CHST9: variants seen among roughly 807,000 people sequenced by gnomAD.
CHST9 encodes carbohydrate sulfotransferase 9, also known as GalNAc-4-sulfotransferase 2.
CHST9 carries 41 observed loss-of-function variants against 44.4 expected under a neutral mutation model. The ratio of observed to expected loss-of-function variants is 0.92; its 90% confidence interval spans 0.72 to 1.20. CHST9 has a LOEUF of 1.20. Ranked by LOEUF, CHST9 falls within the 50% of genes most tolerant of loss-of-function variation. The probability of loss-of-function intolerance (pLI) is 0.00; values close to 1 mark genes in which losing one functional copy is unlikely to be tolerated. For missense variants in CHST9, 504 were observed against 516.5 expected, an observed-to-expected ratio of 0.98 and a Z score of 0.23; for synonymous variants, 171 against 178.4, an observed-to-expected ratio of 0.96 and a Z score of 0.33.
intron 4 of CHST9, among the ~76,000 whole-genome samples, chr18:26,971,469 GCAA>G (rs1269656279): frequency 6.6e-6 from 1 of 152,212 alleles, no homozygotes; most frequent in Non-Finnish European, 1.5e-5. Context: ...AGGTTGTGTT[GCAA>G]TAACAAACAA....
At position 26,944,346 on chromosome 18, in the gene CHST9, C is replaced by T. The variant is rs1288597814; in HGVS notation, c.223G>A (p.Glu75Lys). ...PRIMSTEKIQ[E>K]HITNQNPKFH... ...GAGAATACCTGGTTGGTGATATGTTCCTGGATTTTTTCTGTACTCACTGAA... is the reference window on the plus strand; with the variant it reads ...GAGAATACCTGGTTGGTGATATGTTTCTGGATTTTTTCTGTACTCACTGAA... Residue 75 changes from glutamate to lysine, a missense_variant, in exon 5 of 6, where the codon GAA becomes AAA. Physicochemically the swap from Glu to Lys is moderately conservative, Grantham distance 56. Transcript: ENST00000618847. 6.2e-7 allele frequency: 1 copy of T among 1,609,050 alleles called. No homozygotes were observed. Among genetic ancestry groups the T allele is most frequent in the East Asian group, 2.2e-5 (1 of 44,836 alleles).
chr18:27,167,125 T>C lies in CHST9; in HGVS notation c.-97+18011A>G, dbSNP rs566435658. On this transcript the variant is annotated intron_variant, in intron 1 of 5. Coordinates refer to ENST00000618847, the MANE Select transcript of CHST9 (RefSeq NM_031422.6). ...GGACATCTTTCTCTTAGGAATTTCATCTCCTGCTTTGGAGAAACAGAAGAA... is the reference window on the plus strand; with the variant it reads ...GGACATCTTTCTCTTAGGAATTTCACCTCCTGCTTTGGAGAAACAGAAGAA... Among the ~76,000 whole-genome samples, 4 of 152,328 alleles carry C rather than the reference T, an allele frequency of 2.6e-5. No individual in the cohort carries two copies. In the East Asian group the frequency reaches 7.7e-4, roughly 29 times the overall value.
chr18:26,930,085 G>A (rs1210769234), intron 5 of CHST9, among the ~76,000 whole-genome samples: 2 of 152,172 alleles, frequency 1.3e-5, no homozygotes, highest in South Asian at 2.1e-4. Flanking sequence ...TGAAACACAC[G>A]CCCCTCTGGC....
chr18:27,072,353 G>C (rs2057849858), intron 2 of CHST9, among the ~76,000 whole-genome samples: 1 of 151,924 alleles, frequency 6.6e-6, no homozygotes, highest in African/African-American at 2.4e-5. Flanking sequence ...TGTACAACCA[G>C]GGTTGTCAGC....
At chr18:27,110,976 T>A (rs1237088069) in intron 2 of CHST9, among the ~76,000 whole-genome samples, 1 of 152,218 alleles carries the variant, frequency 6.6e-6, no homozygotes, top group Non-Finnish European at 1.5e-5. Flanking sequence ...TGATTCAAGT[T>A]CAGTTTTGAC....
chr18:27,023,934 C>T (rs1009836553), intron 4 of CHST9, among the ~76,000 whole-genome samples, 182 bp downstream of exon 4: 3 of 152,100 alleles, frequency 2.0e-5, no homozygotes, highest in African/African-American at 4.8e-5. Flanking sequence ...CTTGCTTTTT[C>T]TCCCCACCCT....
intron 2 of CHST9, among the ~76,000 whole-genome samples, chr18:27,100,985 T>C (rs908950532): frequency 6.6e-6 from 1 of 152,170 alleles, no homozygotes; most frequent in East Asian, 1.9e-4. Flanking sequence ...TTGCTGTCTG[T>C]GAAGTACACT....
chr18:26,966,228 A>G (rs1359352796), intron 4 of CHST9, among the ~76,000 whole-genome samples: 1 of 152,218 alleles, frequency 6.6e-6, no homozygotes, highest in Non-Finnish European at 1.5e-5. Flanking sequence ...CTATAAAACT[A>G]TGCTTTATAT....
chr18:27,146,678 T>C (rs1367697595), intron 1 of CHST9, among the ~76,000 whole-genome samples: 1 of 152,202 alleles, frequency 6.6e-6, no homozygotes, highest in Admixed American at 6.5e-5. Context: ...GCCTAAAAGG[T>C]ACTTAAAAAC....
intron 4 of CHST9, among the ~76,000 whole-genome samples, chr18:26,959,306 A>C (rs4800777): frequency 0.16 from 23,994 of 152,128 alleles, 2,072 homozygotes; most frequent in East Asian, 0.24. Context: ...TCGACACTGA[A>C]GACCACTAGA....
chr18:26,954,990 C>G (rs1259818276), intron 4 of CHST9, among the ~76,000 whole-genome samples: 1 of 152,050 alleles, frequency 6.6e-6, no homozygotes, highest in East Asian at 1.9e-4. Flanking sequence ...AAGCCTTGCA[C>G]TAGCCTCCAA....
chr18:26,985,954 C>T lies in CHST9; in HGVS notation c.202+38162G>A, dbSNP rs149683482. Among the ~76,000 whole-genome samples, 458 of 152,166 alleles carry T rather than the reference C, an allele frequency of 3.0e-3. 3 individuals are homozygous for T. Among genetic ancestry groups the T allele is most frequent in the Middle Eastern group, 0.01 (3 of 294 alleles). Reference sequence around the variant, plus strand: ...CCATCTAAATCATAAAAACAAGAACCAAAGTGATCAAACTCTCTCCAAGTA... The same window carrying T: ...CCATCTAAATCATAAAAACAAGAACTAAAGTGATCAAACTCTCTCCAAGTA... On this transcript the variant is annotated intron_variant, in intron 4 of 5. Transcript: ENST00000618847.
chr18:26,953,398 A>G (rs2056278178), intron 4 of CHST9, among the ~76,000 whole-genome samples: 1 of 152,152 alleles, frequency 6.6e-6, no homozygotes, highest in African/African-American at 2.4e-5. Context: ...AGCGATAGAC[A>G]ATTTGGGGGG....
At chr18:26,947,061 C>T (rs573470043) in intron 4 of CHST9, among the ~76,000 whole-genome samples, 5 of 152,216 alleles carry the variant, frequency 3.3e-5, no homozygotes, top group African/African-American at 1.2e-4. Context: ...TGAAGAAAGT[C>T]AATGGTAGCT....
intron 5 of CHST9, among the ~76,000 whole-genome samples, chr18:26,941,978 A>T (rs2056089651): frequency 6.6e-6 from 1 of 152,008 alleles, no homozygotes; most frequent in African/African-American, 2.4e-5. Flanking sequence ...AAAAGACTCG[A>T]TTTTCAATTT....
intron 4 of CHST9, among the ~76,000 whole-genome samples, chr18:27,018,538 C>T (rs941528708): frequency 1.3e-5 from 2 of 152,066 alleles, no homozygotes; most frequent in Non-Finnish European, 2.9e-5. Context: ...GTTGGAAAAT[C>T]GAGGCTTGGT....
At chr18:27,038,299 A>AT in intron 3 of CHST9, among the ~76,000 whole-genome samples, 1 of 152,256 alleles carries the variant, frequency 6.6e-6, no homozygotes, top group African/African-American at 2.4e-5. Flanking sequence ...TAATCCCAGC[A>AT]TTTTGGGAGG....
At chr18:27,064,958 G>A (rs993878620) in intron 2 of CHST9, among the ~76,000 whole-genome samples, 1 of 152,164 alleles carries the variant, frequency 6.6e-6, no homozygotes, top group African/African-American at 2.4e-5. Flanking sequence ...CTGGCAAGAT[G>A]TTTAGTTTTG....
At chr18:27,160,987 G>T (rs555853385) in intron 1 of CHST9, among the ~76,000 whole-genome samples, 1 of 151,798 alleles carries the variant, frequency 6.6e-6, no homozygotes, top group Non-Finnish European at 1.5e-5. Context: ...TGCGTCTATT[G>T]GATTCTTCTC....
Sources: gnomAD v4.1 joint callset for allele counts (sites outside exome capture counted in the v4.1 genomes callset) on GRCh38, gnomAD v4.1.1 for gene constraint, MANE v1.5 for transcripts, NCBI Gene and HGNC (gene_info 2026-07-23, HGNC 2026-07-21) for gene names.